HCRTR2: variants seen among roughly 807,000 people sequenced by gnomAD.
HCRTR2 encodes the protein orexin receptor type 2.
A neutral mutation model predicts 49.0 loss-of-function variants in HCRTR2; 22 were observed. That is an observed-to-expected ratio of 0.45 (90% CI 0.32 to 0.64). HCRTR2 has a LOEUF of 0.64. Ranked by LOEUF, HCRTR2 falls within the 30% of genes least tolerant of loss-of-function variation. The pLI, the probability that HCRTR2 is intolerant of heterozygous loss-of-function variation, is 0.04. For missense variants in HCRTR2, 491 were observed against 559.4 expected, an observed-to-expected ratio of 0.88 and a Z score of 1.23; for synonymous variants, 236 against 205.3, an observed-to-expected ratio of 1.15 and a Z score of -1.28.
At chr6:55,114,105 T>C (rs1193555206) in intron 1 of HCRTR2, among the ~76,000 whole-genome samples, 2 of 151,668 alleles carry the variant, frequency 1.3e-5, no homozygotes, top group Non-Finnish European at 3.0e-5. Flanking sequence ...AATGATACAA[T>C]GGACTTTAGG....
chr6:55,149,976 A>T (rs147044717), intron 1 of HCRTR2, among the ~76,000 whole-genome samples: 1 of 152,112 alleles, frequency 6.6e-6, no homozygotes, highest in African/African-American at 2.4e-5. Flanking sequence ...TAGATATTGC[A>T]ATCAAATTAA....
In HCRTR2 at chr6:55,215,605, A is replaced by G. The variant is rs141627404; in HGVS notation, c.224-33034A>G. ...GTTAAAAAAAACCACAAGTATTAAA[A>G]TAACTGTAACTATAAAATTATTAAT... is the stretch of plus-strand genomic sequence containing the variant. On this transcript the variant is annotated intron_variant, in intron 1 of 6. Coordinates refer to ENST00000370862, the MANE Select transcript of HCRTR2 (RefSeq NM_001384272.1). Among the ~76,000 whole-genome samples, 225 of 152,338 alleles carry G rather than the reference A, an allele frequency of 1.5e-3. 1 individual carries two copies. The highest frequency in any genetic ancestry group is 5.0e-3 in the African/African-American group (206 of 41,586).
At chr6:55,164,006 A>G (rs187122856) in intron 1 of HCRTR2, among the ~76,000 whole-genome samples, 65 of 152,332 alleles carry the variant, frequency 4.3e-4, no homozygotes, top group African/African-American at 1.4e-3. Context: ...TTATGTGGCC[A>G]AGAAACATAC....
At chr6:55,180,227 A>C (rs9370399) in intron 1 of HCRTR2, among the ~76,000 whole-genome samples, 75,395 of 152,166 alleles carry the variant, frequency 0.5, 19,136 homozygotes, top group African/African-American at 0.59. Context: ...CTTACTCAAA[A>C]GTTTAGTCAG....
At chr6:55,164,157 C>G (rs375342940) in intron 1 of HCRTR2, among the ~76,000 whole-genome samples, 2 of 152,130 alleles carry the variant, frequency 1.3e-5, no homozygotes, top group South Asian at 2.1e-4. Flanking sequence ...GAAATAGGAA[C>G]GCTTTTACAC....
At chr6:55,281,223 T>A (rs1464619630) in intron 6 of HCRTR2, among the ~76,000 whole-genome samples, 1 of 152,168 alleles carries the variant, frequency 6.6e-6, no homozygotes, top group African/African-American at 2.4e-5. Flanking sequence ...AGCTTCTGCA[T>A]CTTCCAACTT....
chr6:55,240,139 C>T (rs1766296730), intron 1 of HCRTR2, among the ~76,000 whole-genome samples: 1 of 151,534 alleles, frequency 6.6e-6, no homozygotes, highest in Admixed American at 6.6e-5. Context: ...AGGGGGATCA[C>T]GAGGTCAGAA....
intron 1 of HCRTR2, among the ~76,000 whole-genome samples, chr6:55,111,498 A>T (rs887133377): frequency 6.6e-6 from 1 of 152,108 alleles, no homozygotes; most frequent in African/African-American, 2.4e-5. Flanking sequence ...AATATGAAAG[A>T]TTATTCAAGG....
At chr6:55,245,349 A>G (rs1300005985) in intron 1 of HCRTR2, among the ~76,000 whole-genome samples, 1 of 146,040 alleles carries the variant, frequency 6.8e-6, no homozygotes, top group African/African-American at 2.5e-5. Flanking sequence ...TAGCATCTAC[A>G]CAAGGGAACC....
chr6:55,233,507 T>G (rs1270993198), intron 1 of HCRTR2, among the ~76,000 whole-genome samples: 3 of 152,114 alleles, frequency 2.0e-5, no homozygotes, highest in Non-Finnish European at 4.4e-5. Context: ...CTGGACAAAA[T>G]GGCAAGACCC....
chr6:55,163,552 TTGC>T (rs1764836388), intron 1 of HCRTR2, among the ~76,000 whole-genome samples: 1 of 152,118 alleles, frequency 6.6e-6, no homozygotes, highest in Admixed American at 6.6e-5. Context: ...ATAAATGTTG[TTGC>T]GAAAACTGGC....
intron 1 of HCRTR2, among the ~76,000 whole-genome samples, chr6:55,245,032 A>G (rs1046612850): frequency 7.9e-5 from 12 of 151,898 alleles, no homozygotes; most frequent in African/African-American, 2.2e-4. Flanking sequence ...GTCTATTTTT[A>G]TACTATTAAT....
intron 1 of HCRTR2, among the ~76,000 whole-genome samples, chr6:55,243,531 G>A (rs1003006865): frequency 6.6e-6 from 1 of 152,134 alleles, no homozygotes; most frequent in Non-Finnish European, 1.5e-5. Flanking sequence ...AATGAAGAAA[G>A]TAAATTCTCT....
chr6:55,284,197 A>C (rs935078809), downstream of HCRTR2, among the ~76,000 whole-genome samples: 1 of 152,142 alleles, frequency 6.6e-6, no homozygotes, highest in African/African-American at 2.4e-5. Flanking sequence ...ATACCTACTT[A>C]TAATTTAAAA....
chr6:55,187,353 C>T (rs898932155), intron 1 of HCRTR2, among the ~76,000 whole-genome samples: 3 of 136,976 alleles, frequency 2.2e-5, no homozygotes, highest in African/African-American at 8.2e-5. Flanking sequence ...ACGGAGGTTG[C>T]AGTGAGCCAA....
At chr6:55,251,234 C>T (rs557857719) in intron 2 of HCRTR2, among the ~76,000 whole-genome samples, 23 of 152,112 alleles carry the variant, frequency 1.5e-4, no homozygotes, top group South Asian at 1.2e-3. Flanking sequence ...ATTACTTGGA[C>T]GTTTATTAAT....
intron 1 of HCRTR2, among the ~76,000 whole-genome samples, chr6:55,177,255 C>T (rs138305945): frequency 5.9e-5 from 9 of 152,312 alleles, no homozygotes; most frequent in African/African-American, 2.2e-4. Context: ...CTATTTTCCT[C>T]AGGACTGAAT....
rs561701168 is a variant in HCRTR2, at chr6:55,124,262, A to G, written c.-378+17717A>G. On this transcript the variant is annotated intron_variant, in intron 1 of 7. Transcript: ENST00000615358. ...CTCTTCTGGGCATTCAGTGCTATAA[A>G]TTTCCCTCTACACACTGCTTTAAAT... Among the ~76,000 whole-genome samples the G allele has an allele frequency of 2.5e-3, 377 of 152,172 alleles. 3 individuals are homozygous for G. Among genetic ancestry groups the G allele is most frequent in the African/African-American group, 8.8e-3 (366 of 41,516 alleles).
At chr6:55,110,777 G>A (rs985322989) in intron 1 of HCRTR2, among the ~76,000 whole-genome samples, 4 of 151,870 alleles carry the variant, frequency 2.6e-5, no homozygotes, top group Non-Finnish European at 5.9e-5. Flanking sequence ...AAACAATAGT[G>A]GGAGACTTCA....
Sources: allele counts gnomAD v4.1 joint callset (sites outside exome capture counted in the v4.1 genomes callset), GRCh38; gene constraint gnomAD v4.1.1; transcripts MANE v1.5; gene names NCBI Gene and HGNC (gene_info 2026-07-23, HGNC 2026-07-21).